NKX2-2: variants seen among roughly 807,000 people sequenced by gnomAD.
The protein encoded by NKX2-2 is NK2 homeobox 2, also known as homeobox protein Nkx-2.2.
In NKX2-2, 8 loss-of-function variants were observed where a neutral mutation model predicts 24.6. The ratio of observed to expected loss-of-function variants is 0.32; its 90% CI spans 0.19 to 0.59. NKX2-2 has a LOEUF of 0.59. NKX2-2 is among the 20% of genes least tolerant of loss of function. The pLI is 0.86. For missense variants in NKX2-2, 381 were observed against 373.9 expected, an observed-to-expected ratio of 1.02 and a Z score of -0.16; for synonymous variants, 217 against 173.3, an observed-to-expected ratio of 1.25 and a Z score of -1.98.
Position 21,512,364 on chromosome 20 carries a change from C to A in NKX2-2, c.381G>T (p.Lys127Asn). The change falls in exon 2 of 2, where the codon AAG becomes AAT. Residue 127 changes from lysine (K) to asparagine (N), a missense_variant. Lys to Asn is a moderately conservative substitution (Grantham distance 94). Around this residue, in one of 3 missense-constraint regions of NKX2-2, gnomAD observed 206 missense variants for 173.1 expected, o/e 1.19. Coordinates refer to ENST00000377142, the MANE Select transcript of NKX2-2 (RefSeq NM_002509.4). ...AGAAAAGCACTCGCCGCTTTCGCTTCTTGCCGGCGTCCCCCCCGCCGCCCG... is the reference window on the plus strand; with the variant it reads ...AGAAAAGCACTCGCCGCTTTCGCTTATTGCCGGCGTCCCCCCCGCCGCCCG... ...ETPGGGGDAG[K>N]KRKRRVLFSK... is the part of the protein sequence containing the mutation. The A allele has an allele frequency of 6.2e-7, 1 of 1,608,470 alleles. No individual in the cohort carries two copies. Among genetic ancestry groups the A allele is most frequent in the Non-Finnish European group, 8.5e-7 (1 of 1,178,108 alleles).
At chr20:21,522,037 G>A in the NKX2-2 span, among the ~76,000 whole-genome samples, 7 of 152,222 alleles carry the variant, frequency 4.6e-5, no homozygotes, top group African/African-American at 1.4e-4. Flanking sequence ...GGACAGTCCC[G>A]CTTTCCCTGA....
chr20:21,514,877 C>G (rs1161264964), upstream of NKX2-2, among the ~76,000 whole-genome samples: 1 of 152,220 alleles, frequency 6.6e-6, no homozygotes, highest in Non-Finnish European at 1.5e-5. Context: ...CCGCTCCGGG[C>G]CGGCCAGAGC....
chr20:21,519,437 G>A, the NKX2-2 span, among the ~76,000 whole-genome samples: 1 of 152,244 alleles, frequency 6.6e-6, no homozygotes, highest in Non-Finnish European at 1.5e-5. Flanking sequence ...CAAAGGTTTT[G>A]TCGGAGGGGG....
At chr20:21,518,703 G>A (rs1470607937), upstream of NKX2-2, among the ~76,000 whole-genome samples, 1 of 152,234 alleles carries the variant, frequency 6.6e-6, no homozygotes, top group African/African-American at 2.4e-5. Flanking sequence ...CTGCTTTCCC[G>A]GCTTCTGCCC....
the NKX2-2 span, among the ~76,000 whole-genome samples, chr20:21,520,249 C>G: frequency 1.6e-4 from 24 of 152,240 alleles, no homozygotes; most frequent in African/African-American, 5.3e-4. Flanking sequence ...GACCTAGAGC[C>G]TGGAGTCCCC....
chr20:21,512,507 A>G, intron 1 of NKX2-2, 22 bp from the exon 2 acceptor site: 1 of 1,516,238 alleles, frequency 6.6e-7, no homozygotes, highest in Non-Finnish European at 8.8e-7. Flanking sequence ...GGGAGAGAGA[A>G]GCGCGTCAGG....
At chr20:21,519,640 T>C in the NKX2-2 span, among the ~76,000 whole-genome samples, 3 of 152,142 alleles carry the variant, frequency 2.0e-5, no homozygotes, top group African/African-American at 7.2e-5. Context: ...GAAGCAGAGG[T>C]GTCAGCTCTC....
Position 21,513,067 on chromosome 20 carries a change from G to T in NKX2-2, c.259+344C>A, listed in dbSNP as rs1347050352. 6.6e-6 allele frequency among the ~76,000 whole-genome samples: 1 copy of T among 152,208 alleles called. No homozygotes were observed. Among genetic ancestry groups the T allele is most frequent in the Non-Finnish European group, 1.5e-5 (1 of 68,036 alleles). On this transcript the variant is annotated intron_variant, in intron 1 of 1. Coordinates refer to ENST00000377142, the MANE Select transcript of NKX2-2 (RefSeq NM_002509.4). This position sits in a 1 kb window ranked among gnomAD's most constrained non-coding sequence, Gnocchi z 4.6. The stretch of plus-strand genomic sequence containing the variant: ...TCGCTGGCTACCTCCAGGGCGCCAG[G>T]CCAGTCCCTCCCAGCGGCCGGAGTC...
upstream of NKX2-2, among the ~76,000 whole-genome samples, chr20:21,517,622 C>A (rs1487244554): frequency 6.6e-6 from 1 of 152,224 alleles, no homozygotes; most frequent in Non-Finnish European, 1.5e-5. Context: ...CGCCGGGAGG[C>A]CTGCGCAGGC....
upstream of NKX2-2, among the ~76,000 whole-genome samples, chr20:21,517,440 C>A (rs1235537979): frequency 2.6e-5 from 4 of 152,232 alleles, no homozygotes; most frequent in Non-Finnish European, 5.9e-5. Flanking sequence ...CCTCGAGACT[C>A]ATTTCCCCAT....
Position 21,512,039 on chromosome 20 carries a change from C to G in NKX2-2, c.706G>C (p.Ala236Pro). The change falls in exon 2 of 2, where the codon GCC becomes CCC. Residue 236 changes from alanine (A) to proline (P), a missense_variant. Ala to Pro is a conservative substitution (Grantham distance 27, BLOSUM62 -1). Transcript: ENST00000377142. ...ATFQAGIPFS[A>P]YSAQSLQHMQ... Reference sequence around the variant, plus strand: ...TGCTGCAGCGACTGCGCGCTGTAGGCAGAAAAGGGAATGCCCGCCTGGAAG... The same window carrying G: ...TGCTGCAGCGACTGCGCGCTGTAGGGAGAAAAGGGAATGCCCGCCTGGAAG... 6.2e-7 allele frequency: 1 copy of G among 1,613,698 alleles called. No homozygotes were observed.
chr20:21,513,920 A>T lies in NKX2-2; in HGVS notation c.-251T>A, dbSNP rs1423108299. 4 of 284,326 alleles carry T rather than the reference A, an allele frequency of 1.4e-5. No individual in the cohort carries two copies. The East Asian group carries it at 2.3e-4, about 16-fold the overall frequency. 17.6% of individuals were successfully genotyped at this position (284,326 alleles called of 1,614,324 possible). A position where few individuals can be genotyped will look rare whatever the true frequency, so the allele number is the denominator to read the frequency against. ...CTTCTTTGAAAGCACGCGGAAATGG[A>T]CGCAGGAAGCCGGGCGGCCTGCGCG... On this transcript the variant is annotated 5_prime_UTR_variant, in exon 1 of 2. Transcript: ENST00000377142. This position sits in a 1 kb window ranked among gnomAD's most constrained non-coding sequence, Gnocchi z 4.6.
At chr20:21,512,688 T>C (rs1980485374) in intron 1 of NKX2-2, among the ~76,000 whole-genome samples, 1 of 151,306 alleles carries the variant, frequency 6.6e-6, no homozygotes, top group Admixed American at 6.6e-5. Flanking sequence ...GGGAAATCCG[T>C]AGGAGTGGGG....
chr20:21,521,630 T>C, the NKX2-2 span, among the ~76,000 whole-genome samples: 33 of 152,252 alleles, frequency 2.2e-4, no homozygotes, highest in African/African-American at 7.5e-4. Context: ...CAAATTACCT[T>C]CGGGACTTCT....
rs1230312674 is a variant in NKX2-2, at chr20:21,511,504, C to CG, written c.*418dup. On this transcript the variant is annotated 3_prime_UTR_variant, in exon 2 of 2. Coordinates refer to ENST00000377142, the MANE Select transcript of NKX2-2 (RefSeq NM_002509.4). Reference sequence around the variant, plus strand: ...AGTGTTCTCCACTTGCTTTAGAAGACGGCTGACAATATCGCTACTCACACA... The same window carrying CG: ...AGTGTTCTCCACTTGCTTTAGAAGACGGGCTGACAATATCGCTACTCACACA... 6.2e-6 allele frequency: 1 copy of CG among 160,894 alleles called. No individual in the cohort carries two copies. Among genetic ancestry groups the CG allele is most frequent in the African/African-American group, 2.4e-5 (1 of 41,740 alleles). 10.0% of individuals were successfully genotyped at this position (160,894 alleles called of 1,614,324 possible).
At chr20:21,516,390 CTTT>C (rs5840920), upstream of NKX2-2, among the ~76,000 whole-genome samples, 2 of 134,932 alleles carry the variant, frequency 1.5e-5, no homozygotes, top group Admixed American at 7.5e-5. Context: ...ACTTTTCGTG[CTTT>C]TTTTTTTTTT....
chr20:21,518,181 C>T (rs1279120187), upstream of NKX2-2, among the ~76,000 whole-genome samples: 1 of 152,102 alleles, frequency 6.6e-6, no homozygotes, highest in East Asian at 1.9e-4. Flanking sequence ...AGTTCTGAAC[C>T]CAGCATGCCC....
In NKX2-2 at chr20:21,511,620, T is replaced by C. The variant is rs1026325052; in HGVS notation, c.*303A>G. 1.4e-5 allele frequency: 4 copies of C among 279,002 alleles called. No homozygotes were observed. The highest frequency in any genetic ancestry group is 2.6e-5 in the Non-Finnish European group (4 of 151,970). The allele number at this position is 279,002 out of a possible 1,614,324, so 17.3% of individuals were successfully genotyped here. On this transcript the variant is annotated 3_prime_UTR_variant, in exon 2 of 2. Coordinates refer to ENST00000377142, the MANE Select transcript of NKX2-2 (RefSeq NM_002509.4). ...CGACATTAACGCTGGGACGGTTTGG[T>C]CCCCCCGGGGAGAGGCAAAGAAGCG...
At chr20:21,515,285 T>C (rs528209437), upstream of NKX2-2, among the ~76,000 whole-genome samples, 9 of 148,962 alleles carry the variant, frequency 6.0e-5, no homozygotes, top group African/African-American at 2.0e-4. Context: ...GGGTGGGGGT[T>C]GTGTCTCCAG....
Sources: allele counts gnomAD v4.1 joint callset (sites outside exome capture counted in the v4.1 genomes callset), GRCh38; gene constraint gnomAD v4.1.1; regional missense constraint gnomAD v4.1.1; non-coding constraint Gnocchi (gnomAD v3.1); transcripts MANE v1.5; gene names NCBI Gene and HGNC (gene_info 2026-07-23, HGNC 2026-07-21).